The following TNR variants were observed in gnomAD, a reference collection of about 807,000 sequenced individuals.
TNR encodes the protein tenascin-R.
Under a neutral mutation model 150.4 loss-of-function variants are expected in TNR, and 45 were observed. That is an observed-to-expected ratio of 0.30 (90% confidence interval 0.24 to 0.38). TNR has a LOEUF of 0.38. TNR is among the 10% of genes least tolerant of loss of function. The probability of loss-of-function intolerance (pLI) is 1.00; values close to 1 mark genes in which losing one functional copy is unlikely to be tolerated. For synonymous variants in TNR, 687 were observed against 678.4 expected (o/e 1.01, Z -0.20); for missense variants, 1,544 against 1,759.1 (o/e 0.88, Z 2.19).
chr1:175,604,479 G>T (rs1056386060), intron 1 of TNR, among the ~76,000 whole-genome samples: 21 of 152,306 alleles, frequency 1.4e-4, no homozygotes, highest in South Asian at 8.3e-4. Context: ...GCCAAGGAAG[G>T]TCACCCAAGG....
intron 2 of TNR, among the ~76,000 whole-genome samples, chr1:175,434,635 G>C (rs755426450): frequency 6.6e-6 from 1 of 152,096 alleles, no homozygotes; most frequent in Non-Finnish European, 1.5e-5. Flanking sequence ...AGTGGTCTAC[G>C]ATATGACTCT....
intron 1 of TNR, among the ~76,000 whole-genome samples, chr1:175,691,345 G>A (rs1024550444): frequency 6.6e-6 from 1 of 152,146 alleles, no homozygotes; most frequent in Admixed American, 6.6e-5. Context: ...GAAGGTAGTA[G>A]TAGTAACAAC....
chr1:175,581,843 T>C (rs1662361167), intron 1 of TNR, among the ~76,000 whole-genome samples: 1 of 152,106 alleles, frequency 6.6e-6, no homozygotes, highest in South Asian at 2.1e-4. Context: ...TACTAGTATA[T>C]CTAGAAGCCG....
At chr1:175,614,468 T>C (rs2101858329) in intron 1 of TNR, among the ~76,000 whole-genome samples, 1 of 152,352 alleles carries the variant, frequency 6.6e-6, no homozygotes, top group Middle Eastern at 3.4e-3. Context: ...AAGTCCCTGC[T>C]CTGTCTCACC....
intron 1 of TNR, among the ~76,000 whole-genome samples, chr1:175,737,848 G>A (rs1371336722): frequency 6.6e-6 from 1 of 152,122 alleles, no homozygotes; most frequent in African/African-American, 2.4e-5. Flanking sequence ...TGGGTCTGTT[G>A]GCTCATTTGT....
At chr1:175,433,642 C>A (rs1557931527) in intron 2 of TNR, among the ~76,000 whole-genome samples, 1 of 152,168 alleles carries the variant, frequency 6.6e-6, no homozygotes, top group Non-Finnish European at 1.5e-5. Context: ...GCCTTTGACT[C>A]TGAGTGTAGG....
intron 1 of TNR, among the ~76,000 whole-genome samples, chr1:175,571,296 T>C (rs1661859443): frequency 6.6e-6 from 1 of 152,234 alleles, no homozygotes; most frequent in African/African-American, 2.4e-5. Flanking sequence ...CCCCATCTTC[T>C]TTTGAATCTC....
At chr1:175,417,070 A>AGAAAGAAAGAAAGAAAGAAAGAAAGAAG (rs1557920348) in intron 2 of TNR, among the ~76,000 whole-genome samples, 7 of 151,028 alleles carry the variant, frequency 4.6e-5, no homozygotes, top group Non-Finnish European at 1.0e-4. Context: ...AAAGAAAGAA[A>AGAAAGAAAGAAAGAAAGAAAGAAAGAAG]GAAAGAAATC....
intron 2 of TNR, among the ~76,000 whole-genome samples, chr1:175,475,224 A>G (rs982888670): frequency 1.3e-5 from 2 of 152,068 alleles, no homozygotes. Context: ...TCTTCTCCAT[A>G]TCTTTCATCT....
At chr1:175,395,640 G>A (rs1000613785) in intron 5 of TNR, among the ~76,000 whole-genome samples, 1 of 152,152 alleles carries the variant, frequency 6.6e-6, no homozygotes, top group African/African-American at 2.4e-5. Flanking sequence ...TAGACTTGGG[G>A]TGATGAGAAC....
At chr1:175,444,334 C>T (rs1441441418) in intron 2 of TNR, among the ~76,000 whole-genome samples, 2 of 152,046 alleles carry the variant, frequency 1.3e-5, no homozygotes, top group Non-Finnish European at 2.9e-5. Context: ...ATATGCGAGA[C>T]TCAATGGAGG....
rs772416109 is a variant in TNR at position 175,365,021 on chromosome 1, G to C, written c.2576C>G (p.Ser859Cys). 1.2e-6 allele frequency: 2 copies of C among 1,606,470 alleles called. No individual in the cohort carries two copies. The highest frequency in any genetic ancestry group is 1.7e-6 in the Non-Finnish European group (2 of 1,173,968). Reference protein sequence around the residue: ...GTVTSEPIVGSITTGIDPPKD... With the variant: ...GTVTSEPIVGCITTGIDPPKD... ...TCCTCCAGCCTCACCTGTGGTGATGGAGCCCACAATGGGCTCAGAGGTCAC... is the reference window on the plus strand; with the variant it reads ...TCCTCCAGCCTCACCTGTGGTGATGCAGCCCACAATGGGCTCAGAGGTCAC... Residue 859 changes from serine (S) to cysteine (C), a missense_variant, in exon 12 of 23, where the codon TCC becomes TGC. By Grantham distance (112) the Ser-to-Cys change is moderately radical. This residue lies in a region of TNR where 1,254 missense variants were observed against 1,329.4 expected (regional missense o/e 0.94). Transcript: ENST00000367674.
At position 175,541,161 on chromosome 1, in the gene TNR, T is replaced by C. The variant is rs572529430; in HGVS notation, c.-164-12792A>G. Among the ~76,000 whole-genome samples, 6 of 152,294 alleles carry C rather than the reference T, an allele frequency of 3.9e-5. No individual in the cohort carries two copies. The South Asian group carries it at 1.2e-3, about 32-fold the overall frequency. On this transcript the variant is annotated intron_variant, in intron 1 of 22. Transcript: ENST00000367674. ...CATTCCAGGGATGGGTTAGATGCCATTCCCTCCACCTCCCCTCCTTGTACC... is the reference window on the plus strand; with the variant it reads ...CATTCCAGGGATGGGTTAGATGCCACTCCCTCCACCTCCCCTCCTTGTACC...
At chr1:175,399,618 A>C (rs1194620860) in intron 4 of TNR, among the ~76,000 whole-genome samples, 1 of 152,216 alleles carries the variant, frequency 6.6e-6, no homozygotes, top group African/African-American at 2.4e-5. Context: ...TAATCCTTAT[A>C]AAAGAAAATT....
chr1:175,414,588 G>T (rs951782496), intron 2 of TNR, among the ~76,000 whole-genome samples: 1 of 152,172 alleles, frequency 6.6e-6, no homozygotes, highest in African/African-American at 2.4e-5. Context: ...AGCACCAGAG[G>T]TGTCTCCGGG....
chr1:175,607,671 G>A (rs1663455017), intron 1 of TNR, among the ~76,000 whole-genome samples: 1 of 152,198 alleles, frequency 6.6e-6, no homozygotes, highest in African/African-American at 2.4e-5. Context: ...ATGTCTGAAA[G>A]GATCAAAGTG....
chr1:175,714,206 C>T (rs1245812987), intron 1 of TNR, among the ~76,000 whole-genome samples: 3 of 152,038 alleles, frequency 2.0e-5, no homozygotes, highest in African/African-American at 7.3e-5. Context: ...GTCCTCAGAT[C>T]TCCTTCTACC....
chr1:175,637,802 T>G (rs1664534167), intron 1 of TNR, among the ~76,000 whole-genome samples: 1 of 152,204 alleles, frequency 6.6e-6, no homozygotes, highest in African/African-American at 2.4e-5. Context: ...CTAAAGCTTG[T>G]CTCAGCTGTG....
intron 1 of TNR, among the ~76,000 whole-genome samples, chr1:175,720,980 C>G (rs1025554935): frequency 8.5e-5 from 13 of 152,224 alleles, no homozygotes; most frequent in African/African-American, 3.1e-4. Flanking sequence ...CCAACCCTCT[C>G]ATTTTTCAGA....
Sources: allele counts gnomAD v4.1 joint callset (sites outside exome capture counted in the v4.1 genomes callset), GRCh38; gene constraint gnomAD v4.1.1; regional missense constraint gnomAD v4.1.1; transcripts MANE v1.5; gene names NCBI Gene and HGNC (gene_info 2026-07-23, HGNC 2026-07-21).